MYH9: variants seen among roughly 807,000 people sequenced by gnomAD.
MYH9 encodes the protein myosin heavy chain 9, also known as myosin-9.
In MYH9, 29 loss-of-function variants were observed where a neutral mutation model predicts 241.9. The observed-to-expected ratio is 0.12, with a 90% CI of 0.09 to 0.16. MYH9 has a LOEUF of 0.16. MYH9 is among the 10% of genes least tolerant of loss of function. MYH9 has a pLI of 1.00. For missense variants in MYH9, 1,803 were observed against 2,595.5 expected (o/e 0.69, Z 6.63); for synonymous variants, 1,047 against 1,062.6 (o/e 0.99, Z 0.29).
intron 1 of MYH9, among the ~76,000 whole-genome samples, chr22:36,378,758 A>G (rs1269819806): frequency 6.6e-6 from 1 of 152,162 alleles, no homozygotes; most frequent in East Asian, 1.9e-4. Context: ...GGAGTAGAAG[A>G]ATAGACTCTT....
In MYH9 at chr22:36,348,879, G is replaced by T. The variant is rs771310863; in HGVS notation, c.333+25C>A. The stretch of plus-strand genomic sequence containing the variant: ...ACCTCGGAGCCCTCAGACCCAGCCT[G>T]CGGGGTGCCACGGCAGCCACTTACG... On this transcript the variant is annotated intron_variant, in intron 2 of 40. Transcript: ENST00000216181. The T allele has an allele frequency of 4.1e-6, 6 of 1,465,550 alleles. No individual in the cohort carries two copies. In the South Asian group the frequency reaches 7.3e-5, roughly 18 times the overall value. The allele number at this position is 1,465,550 out of a possible 1,614,324, so 90.8% of individuals were successfully genotyped here. A position where few individuals can be genotyped will look rare whatever the true frequency, so the allele number is the denominator to read the frequency against.
intron 1 of MYH9, among the ~76,000 whole-genome samples, chr22:36,385,523 G>A (rs2272827): frequency 0.059 from 9,036 of 152,152 alleles, 303 homozygotes; most frequent in East Asian, 0.1. Context: ...TTCATCCTAC[G>A]AGAGAGAAGT....
intron 3 of MYH9, among the ~76,000 whole-genome samples, chr22:36,332,145 G>T (rs1335700964): frequency 6.6e-6 from 1 of 152,132 alleles, no homozygotes; most frequent in African/African-American, 2.4e-5. Context: ...TATGAGCACA[G>T]CACTCGGCAC....
intron 5 of MYH9, chr22:36,324,945 T>C (rs2017312010): frequency 1.5e-6 from 1 of 655,218 alleles, no homozygotes; most frequent in Non-Finnish European, 2.8e-6. Context: ...ATTTCACTGC[T>C]CTCCGTGTCC....
In MYH9 at chr22:36,327,620, T is replaced by C. The variant is rs1412583800; in HGVS notation, c.491-132A>G. 3 of 1,067,146 alleles carry C rather than the reference T, an allele frequency of 2.8e-6. No individual in the cohort carries two copies. In the African/African-American group the frequency reaches 4.7e-5, roughly 17 times the overall value. The allele number at this position is 1,067,146 out of a possible 1,614,324, so 66.1% of individuals were successfully genotyped here. ...TGCTGTCTTTGTGGGGATCTCGCAGTCTACCCTCACACCTGGCTAGGAGGA... is the reference window on the plus strand; with the variant it reads ...TGCTGTCTTTGTGGGGATCTCGCAGCCTACCCTCACACCTGGCTAGGAGGA... On this transcript the variant is annotated intron_variant, in intron 3 of 40. Coordinates refer to ENST00000216181, the MANE Select transcript of MYH9 (RefSeq NM_002473.6).
At chr22:36,287,603 G>A (rs532839803) in intron 34 of MYH9, among the ~76,000 whole-genome samples, 2 of 152,276 alleles carry the variant, frequency 1.3e-5, no homozygotes, top group South Asian at 2.1e-4. Context: ...TTAGCCGGGC[G>A]TGGCGGCGTG....
chr22:36,306,459 C>G lies in MYH9; in HGVS notation c.1992G>C (p.Thr664=). Residue 664 remains threonine, a synonymous_variant, in exon 16 of 41, where the codon ACG becomes ACC. Coordinates refer to ENST00000216181, the MANE Select transcript of MYH9 (RefSeq NM_002473.6). The surrounding 1 kb of genome is among the most constrained non-coding windows in gnomAD (Gnocchi z 4.1). ...TGATGCAGCGGACAAAGTTGGGGTT[C>G]GTGTTCCTCAGCGTAGCCATCAGCT... The part of the protein sequence containing the change: ...LAKLMATLRN[T]NPNFVRCIIP... 2 of 1,614,128 alleles carry G rather than the reference C, an allele frequency of 1.2e-6. No homozygotes were observed. Among genetic ancestry groups the G allele is most frequent in the Non-Finnish European group, 1.7e-6 (2 of 1,180,034 alleles).
intron 12 of MYH9, among the ~76,000 whole-genome samples, 156 bp from the exon 13 acceptor site, chr22:36,314,474 C>G (rs4821484): frequency 6.6e-6 from 1 of 151,968 alleles, no homozygotes; most frequent in African/African-American, 2.4e-5. Flanking sequence ...CTGGCCTTCC[C>G]TTTATCCACC....
rs902386529 is a variant in MYH9 at position 36,330,337 on chromosome 22, C to A, written c.491-2849G>T. On this transcript the variant is annotated intron_variant, in intron 3 of 40. Coordinates refer to ENST00000216181, the MANE Select transcript of MYH9 (RefSeq NM_002473.6). This position sits in a 1 kb window ranked among gnomAD's most constrained non-coding sequence, Gnocchi z 4.5. ...GCACTGCTTAGTATCCTAAATCCAC[C>A]GGCCGGATGCACCACGAATCGTACC... Among the ~76,000 whole-genome samples, 1 of 152,250 alleles carries A rather than the reference C, an allele frequency of 6.6e-6. No individual in the cohort carries two copies. Among genetic ancestry groups the A allele is most frequent in the Admixed American group, 6.5e-5 (1 of 15,286 alleles).
intron 1 of MYH9, among the ~76,000 whole-genome samples, chr22:36,374,250 G>A (rs1477270527): frequency 6.6e-6 from 1 of 152,166 alleles, no homozygotes; most frequent in Non-Finnish European, 1.5e-5. Context: ...AGGTATGGTA[G>A]CTCAAGCATG....
intron 40 of MYH9, 60 bp downstream of exon 40, chr22:36,284,032 GA>G (rs1191828083): frequency 1.9e-6 from 3 of 1,557,836 alleles, no homozygotes; most frequent in Non-Finnish European, 2.6e-6. Context: ...TCTGGTTGAG[GA>G]ACAAGCTACC....
chr22:36,340,519 T>G (rs4821485), intron 3 of MYH9, among the ~76,000 whole-genome samples: 78,064 of 150,926 alleles, frequency 0.52, 22,377 homozygotes, highest in Non-Finnish European at 0.65. Context: ...AAATTAGCCG[T>G]GCATGGTGGC....
intron 1 of MYH9, among the ~76,000 whole-genome samples, chr22:36,377,015 A>C (rs2018178779): frequency 6.6e-6 from 1 of 151,918 alleles, no homozygotes; most frequent in East Asian, 1.9e-4. Context: ...GTGAGCCAAG[A>C]TCGTGCAACT....
At position 36,306,538 on chromosome 22, in the gene MYH9, G is replaced by T. The variant is rs770339677; in HGVS notation, c.1913C>A (p.Thr638Lys). 1.2e-6 allele frequency: 2 copies of T among 1,614,066 alleles called. No homozygotes were observed. Among genetic ancestry groups the T allele is most frequent in the Non-Finnish European group, 1.7e-6 (2 of 1,180,028 alleles). ...SETALPGAFK[T>K]RKGMFRTVGQ... is the part of the protein sequence containing the mutation. ...CACAGTGCGGAACATGCCCTTCCGC[G>T]TCTTGAAGGCCCCGGGCAGTGCGGT... The change falls in exon 16 of 41, where the codon ACG becomes AAG. Residue 638 changes from threonine (T) to lysine (K), a missense_variant. Thr to Lys is a moderately conservative substitution (Grantham distance 78, BLOSUM62 -1). Coordinates refer to ENST00000216181, the MANE Select transcript of MYH9 (RefSeq NM_002473.6). This position sits in a 1 kb window ranked among gnomAD's most constrained non-coding sequence, Gnocchi z 4.1.
At chr22:36,317,610 T>A (rs2017178905) in intron 11 of MYH9, among the ~76,000 whole-genome samples, 1 of 152,150 alleles carries the variant, frequency 6.6e-6, no homozygotes, top group African/African-American at 2.4e-5. Flanking sequence ...GAGAGATGGG[T>A]TTGGCACCCT....
At chr22:36,386,350 C>T (rs116018464) in intron 1 of MYH9, among the ~76,000 whole-genome samples, 3,461 of 152,210 alleles carry the variant, frequency 0.023, 127 homozygotes, top group African/African-American at 0.079. Context: ...TTCCCCCACA[C>T]ATAGCAGCCT....
In MYH9 at chr22:36,285,484, A is replaced by AC. The variant is rs2146328294; in HGVS notation, c.5275-156dup. On this transcript the variant is annotated intron_variant, in intron 37 of 40. Coordinates refer to ENST00000216181, the MANE Select transcript of MYH9 (RefSeq NM_002473.6). The surrounding 1 kb of genome is among the most constrained non-coding windows in gnomAD (Gnocchi z 7.0). The stretch of plus-strand genomic sequence containing the variant: ...AAGGGAAGATTAGAAACTTCTGAAC[A>AC]CCCAACACAGAAGCCAGAGGGGGAC... Among the ~76,000 whole-genome samples, 1 of 152,274 alleles carries AC rather than the reference A, an allele frequency of 6.6e-6. No homozygotes were observed. Among genetic ancestry groups the AC allele is most frequent in the Admixed American group, 6.5e-5 (1 of 15,306 alleles).
chr22:36,291,232 T>C (rs1348282392), intron 31 of MYH9, among the ~76,000 whole-genome samples: 2 of 152,132 alleles, frequency 1.3e-5, no homozygotes, highest in Admixed American at 6.5e-5. Context: ...TTTTGTGGAA[T>C]AGAAAGGGGG....
intron 5 of MYH9, among the ~76,000 whole-genome samples, chr22:36,325,878 A>ACAC (rs1432879183): frequency 6.6e-6 from 1 of 152,238 alleles, no homozygotes. Context: ...ACAGTCAGTG[A>ACAC]GCTGAGCCTA....
Sources: gnomAD v4.1 joint callset for allele counts (sites outside exome capture counted in the v4.1 genomes callset) on GRCh38, gnomAD v4.1.1 for gene constraint, Gnocchi (gnomAD v3.1) non-coding constraint, MANE v1.5 for transcripts, NCBI Gene and HGNC (gene_info 2026-07-23, HGNC 2026-07-21) for gene names.